Variants in FAT4 observed in about 807,000 individuals in gnomAD.
FAT4 encodes the protein protocadherin Fat 4.
Under a neutral mutation model 303.9 loss-of-function variants are expected in FAT4, and 84 were observed. The observed-to-expected ratio is 0.28, with a 90% CI of 0.23 to 0.33. FAT4 has a LOEUF of 0.33. FAT4 is among the 10% of genes least tolerant of loss of function. FAT4 has a pLI of 1.00. For synonymous variants in FAT4, 2,307 were observed against 2,298.8 expected (o/e 1.00, Z -0.10); for missense variants, 6,005 against 6,146.8 (o/e 0.98, Z 0.77).
chr4:125,335,809 T>G (rs968743731), intron 2 of FAT4, among the ~76,000 whole-genome samples: 1 of 152,066 alleles, frequency 6.6e-6, no homozygotes, highest in Non-Finnish European at 1.5e-5. Flanking sequence ...TGTGTGACTT[T>G]AAGGGAGAAG....
At chr4:125,485,075 T>A (rs1338078949) in intron 16 of FAT4, among the ~76,000 whole-genome samples, 1 of 152,132 alleles carries the variant, frequency 6.6e-6, no homozygotes, top group Non-Finnish European at 1.5e-5. Context: ...TTGCACTTAC[T>A]GTGACTGAAG....
At chr4:125,375,307 C>T (rs930583432) in intron 2 of FAT4, among the ~76,000 whole-genome samples, 12 of 152,182 alleles carry the variant, frequency 7.9e-5, no homozygotes, top group African/African-American at 2.2e-4. Flanking sequence ...TGTCATAACA[C>T]GTTTGGTAAA....
At chr4:125,372,109 G>A (rs1299032915) in intron 2 of FAT4, among the ~76,000 whole-genome samples, 2 of 152,098 alleles carry the variant, frequency 1.3e-5, no homozygotes, top group Non-Finnish European at 2.9e-5. Flanking sequence ...CACTTTGGAA[G>A]GCAGAGGTGG....
Position 125,321,520 on chromosome 4 carries a change from T to C in FAT4, c.5109T>C (p.Cys1703=), listed in dbSNP as rs1471726983. Residue 1703 remains cysteine, a synonymous_variant, in exon 2 of 18, where the codon TGT becomes TGC. Coordinates refer to ENST00000394329, the MANE Select transcript of FAT4 (RefSeq NM_001291303.3). ...TTCTGGACCGGGAGCAAGGAGCATG[T>C]CTTTACCTGGTGGATGTTTATGCCA... is the stretch of plus-strand genomic sequence containing the variant. ...AAILDREQGA[C]LYLVDVYAIE... is the part of the protein sequence containing the mutation. The C allele has an allele frequency of 6.2e-7, 1 of 1,614,070 alleles. No homozygotes were observed. Among genetic ancestry groups the C allele is most frequent in the Non-Finnish European group, 8.5e-7 (1 of 1,179,964 alleles).
intron 7 of FAT4, among the ~76,000 whole-genome samples, chr4:125,432,231 G>A (rs919780059): frequency 2.6e-5 from 4 of 152,096 alleles, no homozygotes; most frequent in African/African-American, 9.7e-5. Context: ...CCAGCTTCTT[G>A]TCAGTGGTAA....
chr4:125,451,024 G>T lies in FAT4; in HGVS notation c.10014G>T (p.Leu3338Phe), dbSNP rs1726044808. The T allele has an allele frequency of 1.9e-6, 3 of 1,614,026 alleles. No individual in the cohort carries two copies. The highest frequency in any genetic ancestry group is 1.3e-5 in the African/African-American group (1 of 75,014). ...GCACTGATGGGGAGGTACACTATTT[G>T]ATTTTTGGTAATAGTCGAAAGAAGG... ...DLGTDGEVHY[L>F]IFGNSRKKGF... The change falls in exon 10 of 18, where the codon TTG becomes TTT. Residue 3338 changes from leucine to phenylalanine, a missense_variant. By Grantham distance (22) the Leu-to-Phe change is conservative. Transcript: ENST00000394329.
In FAT4 at chr4:125,451,767, T is replaced by C; in HGVS notation, c.10757T>C (p.Val3586Ala). Residue 3586 changes from valine to alanine, a missense_variant, in exon 10 of 18, where the codon GTG becomes GCG. By Grantham distance (64) the Val-to-Ala change is moderately conservative. Coordinates refer to ENST00000394329, the MANE Select transcript of FAT4 (RefSeq NM_001291303.3). ...CAGATTGCAGACTTCTATCTGTCTG[T>C]GGTTACCAAGGATTCTGGTGTTCCT... ...REQIADFYLS[V>A]VTKDSGVPQM... 4 of 1,614,202 alleles carry C rather than the reference T, an allele frequency of 2.5e-6. No individual in the cohort carries two copies. The highest frequency in any genetic ancestry group is 1.7e-6 in the Non-Finnish European group (2 of 1,180,038).
At chr4:125,470,270 T>C (rs567946856) in intron 12 of FAT4, among the ~76,000 whole-genome samples, 1 of 152,286 alleles carries the variant, frequency 6.6e-6, no homozygotes, top group African/African-American at 2.4e-5. Flanking sequence ...AGATTTAGCA[T>C]AATTCTTAAA....
Position 125,450,679 on chromosome 4 carries a change from T to C in FAT4, c.9669T>C (p.Ala3223=). The C allele has an allele frequency of 6.2e-7, 1 of 1,614,138 alleles. No homozygotes were observed. The highest frequency in any genetic ancestry group is 1.1e-5 in the South Asian group (1 of 91,082). ...TTATCCACCTAAATGCAACAGATGC[T>C]GACTCTGGAACAAATGCTGTGATTG... The part of the protein sequence containing the change: ...TTVIHLNATD[A]DSGTNAVIAY... Residue 3223 remains alanine (A), a synonymous_variant, in exon 10 of 18, where the codon GCT becomes GCC. Transcript: ENST00000394329.
chr4:125,477,503 G>T, intron 14 of FAT4, 169 bp downstream of exon 14: 1 of 477,816 alleles, frequency 2.1e-6, no homozygotes, highest in South Asian at 5.5e-5. Context: ...CATAAAGTAT[G>T]ATATTTAATT....
intron 7 of FAT4, among the ~76,000 whole-genome samples, chr4:125,430,027 G>T (rs1312453516): frequency 6.6e-6 from 1 of 152,122 alleles, no homozygotes; most frequent in African/African-American, 2.4e-5. Flanking sequence ...GGGATGAGGG[G>T]GGAGGGAAAG....
intron 11 of FAT4, among the ~76,000 whole-genome samples, chr4:125,464,659 C>T (rs60299560): frequency 6.6e-6 from 1 of 152,060 alleles, no homozygotes; most frequent in African/African-American, 2.4e-5. Flanking sequence ...CTAATGCTAT[C>T]CCTCCCCCCT....
Position 125,452,049 on chromosome 4 carries a change from C to G in FAT4, c.11039C>G (p.Thr3680Arg). 6.2e-7 allele frequency: 1 copy of G among 1,614,128 alleles called. No individual in the cohort carries two copies. The highest frequency in any genetic ancestry group is 8.5e-7 in the Non-Finnish European group (1 of 1,180,026). ...LNSQPRSTDGTFDLTVLSNDG... is the reference protein window; with the variant it reads ...LNSQPRSTDGRFDLTVLSNDG... ...TCCCAGCCAAGGTCCACAGATGGCACGTTTGATCTGACTGTCCTTAGCAAT... is the reference window on the plus strand; with the variant it reads ...TCCCAGCCAAGGTCCACAGATGGCAGGTTTGATCTGACTGTCCTTAGCAAT... The change falls in exon 10 of 18, where the codon ACG (threonine) becomes AGG (arginine). Residue 3680 changes from threonine (T) to arginine (R), a missense_variant. By Grantham distance (71) the Thr-to-Arg change is moderately conservative. Coordinates refer to ENST00000394329, the MANE Select transcript of FAT4 (RefSeq NM_001291303.3).
intron 8 of FAT4, among the ~76,000 whole-genome samples, chr4:125,435,052 G>A (rs189524073): frequency 6.6e-6 from 1 of 152,294 alleles, no homozygotes; most frequent in Admixed American, 6.5e-5. Context: ...ATCACTCGTT[G>A]ATTGGAGAAA....
At chr4:125,368,306 C>T (rs560653813) in intron 2 of FAT4, among the ~76,000 whole-genome samples, 1 of 151,928 alleles carries the variant, frequency 6.6e-6, no homozygotes, top group Non-Finnish European at 1.5e-5. Context: ...TTTAATCTGA[C>T]TCACTGGAGG....
In FAT4 at chr4:125,446,393, A is replaced by G; in HGVS notation, c.7300A>G (p.Thr2434Ala). The change falls in exon 9 of 18, where the codon ACT (threonine) becomes GCT (alanine). Residue 2434 changes from threonine to alanine, a missense_variant. Thr to Ala is a moderately conservative substitution (Grantham distance 58). Coordinates refer to ENST00000394329, the MANE Select transcript of FAT4 (RefSeq NM_001291303.3). ...LLDRETKDNY[T>A]LVVVCSDAGS... ...AGATAGGGAAACAAAAGATAATTAT[A>G]CTTTGGTAGTGGTCTGCAGTGATGC... The G allele has an allele frequency of 6.2e-7, 1 of 1,613,436 alleles. No homozygotes were observed. Among genetic ancestry groups the G allele is most frequent in the Non-Finnish European group, 8.5e-7 (1 of 1,179,494 alleles).
Position 125,451,753 on chromosome 4 carries a change from C to A in FAT4, c.10743C>A (p.Asp3581Glu), listed in dbSNP as rs768808202. ...AGATTGACAGAGAGCAGATTGCAGA[C>A]TTCTATCTGTCTGTGGTTACCAAGG... is the stretch of plus-strand genomic sequence containing the variant. ...TREIDREQIA[D>E]FYLSVVTKDS... is the part of the protein sequence containing the mutation. Residue 3581 changes from aspartate to glutamate, a missense_variant, in exon 10 of 18, where the codon GAC becomes GAA. Asp to Glu is a conservative substitution (Grantham distance 45, BLOSUM62 2). Coordinates refer to ENST00000394329, the MANE Select transcript of FAT4 (RefSeq NM_001291303.3). 1.5e-5 allele frequency: 24 copies of A among 1,614,076 alleles called. No homozygotes were observed. The South Asian group carries it at 2.4e-4, about 16-fold the overall frequency.
intron 8 of FAT4, 152 bp downstream of exon 8, chr4:125,434,577 T>C: frequency 1.7e-6 from 1 of 586,840 alleles, no homozygotes. Flanking sequence ...ATTCATTAAA[T>C]GAAGATTCAA....
At chr4:125,347,330 CAAAAG>C (rs946741690) in intron 2 of FAT4, among the ~76,000 whole-genome samples, 1 of 150,930 alleles carries the variant, frequency 6.6e-6, no homozygotes, top group Non-Finnish European at 1.5e-5. Context: ...ATGGTACTAA[CAAAAG>C]AAAGAAGATA....
Sources: gnomAD v4.1 joint callset for allele counts (sites outside exome capture counted in the v4.1 genomes callset) on GRCh38, gnomAD v4.1.1 for gene constraint, MANE v1.5 for transcripts, NCBI Gene and HGNC (gene_info 2026-07-23, HGNC 2026-07-21) for gene names.